Variants in TASP1 observed in about 807,000 individuals in gnomAD.
TASP1 encodes the protein taspase 1.
A neutral mutation model predicts 56.6 loss-of-function variants in TASP1; 16 were observed. The observed-to-expected ratio is 0.28, with a 90% CI of 0.19 to 0.43. The LOEUF (loss-of-function observed/expected upper bound fraction) is 0.43. TASP1 is among the 20% of genes least tolerant of loss of function. TASP1 has a pLI of 1.00. For missense variants in TASP1, 393 were observed against 511.6 expected, an observed-to-expected ratio of 0.77 and a Z score of 2.24; for synonymous variants, 179 against 184.2, an observed-to-expected ratio of 0.97 and a Z score of 0.23.
the TASP1 span, among the ~76,000 whole-genome samples, chr20:13,254,058 TAA>T: frequency 0.16 from 19,139 of 116,114 alleles, 1,404 homozygotes; most frequent in East Asian, 0.21. Flanking sequence ...TCATCTCTAC[TAA>T]AAAAAAAAAA....
the TASP1 span, among the ~76,000 whole-genome samples, chr20:13,341,367 T>C: frequency 1.3e-5 from 2 of 152,228 alleles, no homozygotes; most frequent in South Asian, 4.1e-4. Context: ...GTTAAGAACA[T>C]GGCCTTTAGA....
chr20:13,403,702 C>T (rs1196968474), intron 13 of TASP1, among the ~76,000 whole-genome samples: 1 of 152,086 alleles, frequency 6.6e-6, no homozygotes, highest in Non-Finnish European at 1.5e-5. Context: ...GGGAACATAG[C>T]AAGACCCTGT....
the TASP1 span, among the ~76,000 whole-genome samples, chr20:13,201,580 C>CA: frequency 5.7e-4 from 79 of 137,762 alleles, no homozygotes; most frequent in Middle Eastern, 3.7e-3. Context: ...TATTAATGTG[C>CA]AAAAAAAAAA....
the TASP1 span, among the ~76,000 whole-genome samples, chr20:13,339,977 A>C: frequency 6.6e-6 from 1 of 152,156 alleles, no homozygotes; most frequent in African/African-American, 2.4e-5. Context: ...AGCACAAGCA[A>C]GCACAAAGGA....
chr20:13,568,132 C>A (rs763818219), intron 7 of TASP1, among the ~76,000 whole-genome samples: 1 of 152,158 alleles, frequency 6.6e-6, no homozygotes, highest in African/African-American at 2.4e-5. Flanking sequence ...TTCAGCATTA[C>A]ATGAATATTC....
the TASP1 span, among the ~76,000 whole-genome samples, chr20:13,127,767 G>A: frequency 2.6e-5 from 4 of 152,256 alleles, no homozygotes; most frequent in South Asian, 8.3e-4. Context: ...CAGGGTAAAG[G>A]CCTGCAGGAG....
At chr20:13,268,551 C>T in the TASP1 span, among the ~76,000 whole-genome samples, 1 of 152,166 alleles carries the variant, frequency 6.6e-6, no homozygotes, top group East Asian at 1.9e-4. Context: ...AGACACTGCC[C>T]CCGGCCACAT....
the TASP1 span, among the ~76,000 whole-genome samples, chr20:13,314,955 T>C: frequency 3.1e-3 from 465 of 152,238 alleles, 10 homozygotes; most frequent in South Asian, 0.025. Context: ...GGTACAGTGT[T>C]ATTTGAAAGT....
intron 13 of TASP1, among the ~76,000 whole-genome samples, chr20:13,395,132 G>C (rs2041474166): frequency 6.6e-6 from 1 of 152,196 alleles, no homozygotes; most frequent in Non-Finnish European, 1.5e-5. Flanking sequence ...TCCTCTTCCA[G>C]AGAGAGATCA....
At chr20:13,172,224 T>C in the TASP1 span, among the ~76,000 whole-genome samples, 13 of 152,172 alleles carry the variant, frequency 8.5e-5, no homozygotes, top group East Asian at 2.5e-3. Context: ...AAGATTTTTA[T>C]CTAAATACAC....
intron 11 of TASP1, among the ~76,000 whole-genome samples, chr20:13,452,533 T>G (rs574214979): frequency 6.0e-4 from 91 of 152,028 alleles, no homozygotes; most frequent in African/African-American, 2.1e-3. Flanking sequence ...CAAATTCATA[T>G]ATATACATAT....
chr20:13,160,237 T>C, the TASP1 span: 1 of 1,373,834 alleles, frequency 7.3e-7, no homozygotes, highest in East Asian at 2.5e-5. Context: ...TCTTGGGTTA[T>C]TTAGGAAAAC....
At chr20:13,617,591 G>A (rs1010347421) in intron 4 of TASP1, among the ~76,000 whole-genome samples, 11 of 151,988 alleles carry the variant, frequency 7.2e-5, no homozygotes, top group Non-Finnish European at 1.6e-4. Flanking sequence ...AAGAGCAAGG[G>A]ACCACTCTGC....
At chr20:13,625,057 G>T in intron 3 of TASP1, 128 bp downstream of exon 3, 1 of 599,472 alleles carries the variant, frequency 1.7e-6, no homozygotes, top group Non-Finnish European at 2.7e-6. Flanking sequence ...ACAAAAACAA[G>T]CAAAATAATT....
At position 13,585,606 on chromosome 20, in the gene TASP1, G is replaced by T. The variant is rs570505206; in HGVS notation, c.403+1644C>A. ...GAAAAGGCTCTTATAAGTCACTAGG[G>T]ACACTCAAATTGAATACCACTACAC... is the stretch of plus-strand genomic sequence containing the variant. On this transcript the variant is annotated intron_variant, in intron 5 of 13. Transcript: ENST00000337743. 9.8e-4 allele frequency among the ~76,000 whole-genome samples: 109 copies of T among 111,598 alleles called. 1 individual carries two copies. The highest frequency in any genetic ancestry group is 4.4e-3 in the African/African-American group (98 of 22,324). The allele number at this position is 111,598 out of a possible 152,430, so 73.2% of individuals were successfully genotyped here. A position where few individuals can be genotyped will look rare whatever the true frequency, so the allele number is the denominator to read the frequency against.
intron 11 of TASP1, among the ~76,000 whole-genome samples, chr20:13,436,929 A>C (rs1409265577): frequency 6.6e-6 from 1 of 152,190 alleles, no homozygotes; most frequent in Non-Finnish European, 1.5e-5. Context: ...TAACTATTAA[A>C]GAGTACAGAC....
At chr20:13,567,121 T>C (rs2046557587) in intron 7 of TASP1, among the ~76,000 whole-genome samples, 1 of 152,166 alleles carries the variant, frequency 6.6e-6, no homozygotes, top group Admixed American at 6.5e-5. Flanking sequence ...ATCATGTCTT[T>C]AGCACGAGCA....
At chr20:13,179,406 C>CGTGTGTGTGT in the TASP1 span, among the ~76,000 whole-genome samples, 34,254 of 143,166 alleles carry the variant, frequency 0.24, 4,356 homozygotes, top group Non-Finnish European at 0.29. Context: ...GAATTATGTG[C>CGTGTGTGTGT]GTGTGTGTGT....
intron 1 of TASP1, among the ~76,000 whole-genome samples, chr20:13,631,203 T>C (rs1006856845): frequency 6.6e-6 from 1 of 152,206 alleles, no homozygotes; most frequent in East Asian, 1.9e-4. Flanking sequence ...TATAACATTT[T>C]ATTTATAAGA....
Sources: allele counts gnomAD v4.1 joint callset (sites outside exome capture counted in the v4.1 genomes callset), GRCh38; gene constraint gnomAD v4.1.1; transcripts MANE v1.5; gene names NCBI Gene and HGNC (gene_info 2026-07-23, HGNC 2026-07-21).